Variants in NEK1 observed in about 807,000 individuals in gnomAD.
The protein encoded by NEK1 is NIMA related kinase 1.
A neutral mutation model predicts 182.1 loss-of-function variants in NEK1; 137 were observed. The ratio of observed to expected loss-of-function variants is 0.75; its 90% CI spans 0.65 to 0.87. The LOEUF (loss-of-function observed/expected upper bound fraction) is 0.87, where lower values mean the gene tolerates loss of function less well. NEK1 is among the 40% of genes least tolerant of loss of function. NEK1 has a pLI of 0.00. For missense variants in NEK1, 1,391 were observed against 1,494.4 expected, an observed-to-expected ratio of 0.93 and a Z score of 1.14; for synonymous variants, 513 against 492.2, an observed-to-expected ratio of 1.04 and a Z score of -0.56.
At chr4:169,498,727 A>T (rs1378492309) in intron 23 of NEK1, among the ~76,000 whole-genome samples, 3 of 152,268 alleles carry the variant, frequency 2.0e-5, no homozygotes, top group East Asian at 3.9e-4. Context: ...ATGTTGAATA[A>T]TGGCCCCCAC....
chr4:169,596,333 C>G (rs935160659), intron 5 of NEK1, among the ~76,000 whole-genome samples: 3 of 152,100 alleles, frequency 2.0e-5, no homozygotes, highest in Non-Finnish European at 4.4e-5. Flanking sequence ...CTTGCTGCAC[C>G]TAACTATTTG....
At chr4:169,548,739 C>CAA (rs1389322369) in intron 18 of NEK1, among the ~76,000 whole-genome samples, 2 of 152,202 alleles carry the variant, frequency 1.3e-5, no homozygotes, top group Admixed American at 6.5e-5. Flanking sequence ...CCTCCCAGTT[C>CAA]AAACTTCCCA....
chr4:169,599,291 G>T, intron 4 of NEK1, 94 bp from the exon 5 acceptor site: 4 of 883,286 alleles, frequency 4.5e-6, no homozygotes, highest in Non-Finnish European at 6.9e-6. Context: ...AAAAGCAGCT[G>T]CTGAACAAAA....
At chr4:169,486,916 C>G (rs534956193) in intron 23 of NEK1, among the ~76,000 whole-genome samples, 1 of 152,144 alleles carries the variant, frequency 6.6e-6, no homozygotes, top group Non-Finnish European at 1.5e-5. Flanking sequence ...CATTGCTACC[C>G]TTTTAAAAAA....
intron 19 of NEK1, among the ~76,000 whole-genome samples, chr4:169,529,260 T>C (rs1328430884): frequency 4.0e-5 from 6 of 151,734 alleles, no homozygotes; most frequent in South Asian, 2.1e-4. Context: ...ATGTACCCCA[T>C]AGATATGTAT....
intron 23 of NEK1, among the ~76,000 whole-genome samples, chr4:169,497,668 T>C (rs1485882859): frequency 1.3e-5 from 2 of 152,234 alleles, no homozygotes; most frequent in East Asian, 1.9e-4. Context: ...ATGTACCCAG[T>C]AGTCATTCAG....
chr4:169,439,675 A>G (rs543632810), intron 27 of NEK1, among the ~76,000 whole-genome samples: 11 of 152,220 alleles, frequency 7.2e-5, no homozygotes, highest in African/African-American at 2.6e-4. Flanking sequence ...TATAGGATAA[A>G]AATCTATTTC....
At chr4:169,427,190 G>A (rs183168988) in intron 29 of NEK1, among the ~76,000 whole-genome samples, 52 of 148,062 alleles carry the variant, frequency 3.5e-4, no homozygotes, top group East Asian at 2.1e-3. Context: ...GCAGTGGCAC[G>A]ATCTCGGCTC....
At chr4:169,447,882 A>T (rs1002043015) in intron 27 of NEK1, among the ~76,000 whole-genome samples, 3 of 151,946 alleles carry the variant, frequency 2.0e-5, no homozygotes, top group African/African-American at 7.3e-5. Context: ...AAATAAAATG[A>T]AATAAAATAA....
At chr4:169,399,910 C>A (rs1383675760) in intron 35 of NEK1, among the ~76,000 whole-genome samples, 1 of 152,176 alleles carries the variant, frequency 6.6e-6, no homozygotes, top group Admixed American at 6.5e-5. Context: ...CAAGCATAAA[C>A]CACGGCACCC....
At chr4:169,509,058 A>G (rs533178985) in intron 19 of NEK1, among the ~76,000 whole-genome samples, 1 of 152,278 alleles carries the variant, frequency 6.6e-6, no homozygotes, top group South Asian at 2.1e-4. Context: ...TAAGCCCCAA[A>G]CATAATTATT....
intron 18 of NEK1, chr4:169,554,965 A>G (rs1761962570): frequency 1.3e-5 from 2 of 152,230 alleles, no homozygotes; most frequent in Admixed American, 1.3e-4. Context: ...TCGCTCTAAA[A>G]ATAAAGTTTA....
chr4:169,592,039 A>T (rs1041588917), intron 5 of NEK1, among the ~76,000 whole-genome samples: 4 of 144,142 alleles, frequency 2.8e-5, no homozygotes, highest in African/African-American at 1.1e-4. Flanking sequence ...CTCACAAATT[A>T]AAAAAAAAAA....
chr4:169,510,543 A>G (rs971177475), intron 19 of NEK1, among the ~76,000 whole-genome samples: 2 of 152,110 alleles, frequency 1.3e-5, no homozygotes, highest in African/African-American at 4.8e-5. Flanking sequence ...TTAAATTGCT[A>G]AATGAGTTTC....
At chr4:169,510,570 C>G (rs1754017588) in intron 19 of NEK1, among the ~76,000 whole-genome samples, 1 of 152,122 alleles carries the variant, frequency 6.6e-6, no homozygotes, top group Admixed American at 6.6e-5. Context: ...CATCCTACCT[C>G]TAGTCTCACA....
At chr4:169,515,276 T>A (rs1159444604) in intron 19 of NEK1, among the ~76,000 whole-genome samples, 1 of 152,198 alleles carries the variant, frequency 6.6e-6, no homozygotes, top group African/African-American at 2.4e-5. Flanking sequence ...TGGAATATTC[T>A]GTAAGTGCAA....
At position 169,555,747 on chromosome 4, in the gene NEK1, G is replaced by T. The variant is rs771824152; in HGVS notation, c.1535C>A (p.Ala512Glu). ...DIRKTLKRLK[A>E]VSKQANANRQ... Reference sequence around the variant, plus strand: ...GTTTGCATTGGCTTGTTTAGACACCGCCTTCAATCTTTTCAAAGTTTTTCT... The same window carrying T: ...GTTTGCATTGGCTTGTTTAGACACCTCCTTCAATCTTTTCAAAGTTTTTCT... Residue 512 changes from alanine to glutamate, a missense_variant, in exon 18 of 36, where the codon GCG becomes GAG. Physicochemically the swap from Ala to Glu is moderately radical, Grantham distance 107. Around this residue, in one of 5 missense-constraint regions of NEK1, gnomAD observed 1,216 missense variants for 1,277.6 expected, o/e 0.95. Coordinates refer to ENST00000507142, the MANE Select transcript of NEK1 (RefSeq NM_001199397.3). The T allele has an allele frequency of 2.5e-6, 4 of 1,613,716 alleles. No homozygotes were observed. The highest frequency in any genetic ancestry group is 3.4e-6 in the Non-Finnish European group (4 of 1,179,762).
intron 29 of NEK1, among the ~76,000 whole-genome samples, chr4:169,431,938 C>T (rs943145148): frequency 6.6e-6 from 1 of 151,862 alleles, no homozygotes; most frequent in African/African-American, 2.4e-5. Flanking sequence ...ACCACACACA[C>T]ACACACACAC....
intron 35 of NEK1, among the ~76,000 whole-genome samples, chr4:169,396,113 C>A (rs1373399021): frequency 6.6e-6 from 1 of 151,924 alleles, no homozygotes; most frequent in Admixed American, 6.6e-5. Flanking sequence ...TGCCTGTAAT[C>A]CCAGCACTTT....
Sources: allele counts gnomAD v4.1 joint callset (sites outside exome capture counted in the v4.1 genomes callset), GRCh38; gene constraint gnomAD v4.1.1; regional missense constraint gnomAD v4.1.1; transcripts MANE v1.5; gene names NCBI Gene and HGNC (gene_info 2026-07-23, HGNC 2026-07-21).